AGBL4: variants seen among roughly 807,000 people sequenced by gnomAD.
AGBL4 encodes the protein cytosolic carboxypeptidase 6.
In AGBL4, 58 loss-of-function variants were observed where a neutral mutation model predicts 66.4. The ratio of observed to expected loss-of-function variants is 0.87; its 90% CI spans 0.71 to 1.09. The LOEUF (loss-of-function observed/expected upper bound fraction) is 1.09, where lower values mean the gene tolerates loss of function less well. Among genes scored for constraint, AGBL4 ranks in the 50% least tolerant of loss-of-function variants. The pLI is 0.00. For missense variants in AGBL4, 579 were observed against 631.0 expected, an observed-to-expected ratio of 0.92 and a Z score of 0.88; for synonymous variants, 234 against 222.9, an observed-to-expected ratio of 1.05 and a Z score of -0.44.
chr1:49,981,717 G>A (rs1029017415), intron 1 of AGBL4, among the ~76,000 whole-genome samples: 1 of 152,104 alleles, frequency 6.6e-6, no homozygotes, highest in Non-Finnish European at 1.5e-5. Context: ...TAACTTTACA[G>A]AGTTGTGCTG....
chr1:49,877,018 G>C (rs1447847266), intron 1 of AGBL4, among the ~76,000 whole-genome samples: 3 of 151,794 alleles, frequency 2.0e-5, no homozygotes, highest in African/African-American at 7.3e-5. Context: ...TGTATCCTGA[G>C]ACTTTGCTGA....
At chr1:49,064,332 C>CT (rs1434368665) in intron 4 of AGBL4, among the ~76,000 whole-genome samples, 2 of 152,158 alleles carry the variant, frequency 1.3e-5, no homozygotes, top group Non-Finnish European at 2.9e-5. Flanking sequence ...AGTAAAAGGC[C>CT]TTGCTGTTCC....
chr1:49,312,723 T>C (rs934183679), intron 3 of AGBL4, among the ~76,000 whole-genome samples: 1 of 151,950 alleles, frequency 6.6e-6, no homozygotes. Context: ...CACAAAAAGA[T>C]ACTCAACATC....
At chr1:49,440,142 T>C (rs1048825845) in intron 3 of AGBL4, among the ~76,000 whole-genome samples, 1 of 150,034 alleles carries the variant, frequency 6.7e-6, no homozygotes, top group Non-Finnish European at 1.5e-5. Context: ...CAATCTCTGC[T>C]CACTGCAAGC....
chr1:48,797,555 T>C (rs1645715912), intron 6 of AGBL4, among the ~76,000 whole-genome samples: 1 of 152,240 alleles, frequency 6.6e-6, no homozygotes, highest in Non-Finnish European at 1.5e-5. Flanking sequence ...ATTATTTTGT[T>C]CCTTTTTGTG....
intron 3 of AGBL4, among the ~76,000 whole-genome samples, chr1:49,475,052 A>G (rs1266421834): frequency 6.6e-6 from 1 of 151,936 alleles, no homozygotes; most frequent in African/African-American, 2.4e-5. Context: ...TTGCCCATTC[A>G]CTATGATATT....
intron 2 of AGBL4, among the ~76,000 whole-genome samples, chr1:49,823,679 C>A (rs1010292661): frequency 6.6e-6 from 1 of 152,006 alleles, no homozygotes; most frequent in Admixed American, 6.5e-5. Flanking sequence ...CATGGTAAAG[C>A]AGCCATAGAG....
intron 5 of AGBL4, among the ~76,000 whole-genome samples, chr1:49,008,262 G>C (rs1274100602): frequency 6.6e-6 from 1 of 151,822 alleles, no homozygotes; most frequent in Admixed American, 6.6e-5. Flanking sequence ...AACCAACAAA[G>C]ATCAAAAGAG....
At chr1:49,003,873 C>T (rs368088744) in intron 5 of AGBL4, among the ~76,000 whole-genome samples, 8 of 152,254 alleles carry the variant, frequency 5.3e-5, no homozygotes, top group South Asian at 4.2e-4. Context: ...GTAATATCAC[C>T]CAAACAGGAG....
chr1:48,817,784 C>T, intron 6 of AGBL4: 1 of 431,118 alleles, frequency 2.3e-6, no homozygotes, highest in Non-Finnish European at 4.1e-6. Flanking sequence ...GGCCTCCCTC[C>T]CACACATCCT....
chr1:48,851,834 G>A (rs939479930), intron 6 of AGBL4, among the ~76,000 whole-genome samples: 1 of 151,894 alleles, frequency 6.6e-6, no homozygotes, highest in Non-Finnish European at 1.5e-5. Context: ...GGAGGAAATT[G>A]CATGGCAAAT....
intron 5 of AGBL4, among the ~76,000 whole-genome samples, chr1:49,017,710 G>A (rs1425417889): frequency 6.6e-6 from 1 of 152,074 alleles, no homozygotes; most frequent in African/African-American, 2.4e-5. Context: ...TATACTGACT[G>A]GCACATGATA....
At chr1:50,009,761 A>G (rs1429993575) in intron 1 of AGBL4, among the ~76,000 whole-genome samples, 5 of 152,198 alleles carry the variant, frequency 3.3e-5, no homozygotes, top group Non-Finnish European at 7.3e-5. Context: ...AAAAAAATCT[A>G]AAGATTCCAT....
In AGBL4 at chr1:48,634,513, C is replaced by T. The variant is rs771499735; in HGVS notation, c.931G>A (p.Val311Ile). Reference sequence around the variant, plus strand: ...CTTACTGGGTCGTTGTACATCTGGACGATGAGTTGTTTCACTCCATGCAGG... The same window carrying T: ...CTTACTGGGTCGTTGTACATCTGGATGATGAGTTGTTTCACTCCATGCAGG... Reference protein sequence around the residue: ...PTLHGVKQLIVQMYNDPKTSL... With the variant: ...PTLHGVKQLIIQMYNDPKTSL... The change falls in exon 9 of 14, where the codon GTC becomes ATC. Residue 311 changes from valine to isoleucine, a missense_variant. Val to Ile is a conservative substitution (Grantham distance 29). Coordinates refer to ENST00000371839, the MANE Select transcript of AGBL4 (RefSeq NM_032785.4). The T allele has an allele frequency of 1.2e-6, 2 of 1,602,376 alleles. No individual in the cohort carries two copies. The highest frequency in any genetic ancestry group is 8.5e-7 in the Non-Finnish European group (1 of 1,174,176).
At chr1:49,510,117 C>G (rs1649074107) in intron 3 of AGBL4, among the ~76,000 whole-genome samples, 1 of 151,948 alleles carries the variant, frequency 6.6e-6, no homozygotes, top group Admixed American at 6.6e-5. Context: ...ATAGCATCAT[C>G]CTCTAGTTCC....
chr1:48,543,758 G>A lies in AGBL4; in HGVS notation c.1268-4020C>T, dbSNP rs57515030. On this transcript the variant is annotated intron_variant, in intron 11 of 13. Transcript: ENST00000371839. ...CAAGCTGGGGTTGGACATGGCCTAG[G>A]ACATGAAACTTAGCATTTACGGAGC... is the stretch of plus-strand genomic sequence containing the variant. Among the ~76,000 whole-genome samples, 965 of 152,336 alleles carry A rather than the reference G, an allele frequency of 6.3e-3. 22 individuals are homozygous for A. The East Asian group carries it at 0.069, about 11-fold the overall frequency.
intron 4 of AGBL4, among the ~76,000 whole-genome samples, chr1:49,211,164 T>C (rs981402299): frequency 2.0e-5 from 3 of 152,146 alleles, no homozygotes; most frequent in Non-Finnish European, 4.4e-5. Context: ...CTTTTATTAG[T>C]AGCTGTTCCA....
At chr1:49,482,152 G>C (rs926337298) in intron 3 of AGBL4, among the ~76,000 whole-genome samples, 1 of 151,880 alleles carries the variant, frequency 6.6e-6, no homozygotes, top group Non-Finnish European at 1.5e-5. Context: ...AATGAGTTAG[G>C]GAGGAGTCAG....
At chr1:49,533,970 G>A (rs988155132) in intron 3 of AGBL4, among the ~76,000 whole-genome samples, 1 of 151,934 alleles carries the variant, frequency 6.6e-6, no homozygotes. Context: ...GCAGATTTGG[G>A]GATTTCGCCA....
Sources: allele counts gnomAD v4.1 joint callset (sites outside exome capture counted in the v4.1 genomes callset), GRCh38; gene constraint gnomAD v4.1.1; transcripts MANE v1.5; gene names NCBI Gene and HGNC (gene_info 2026-07-23, HGNC 2026-07-21).